The following PCSK2 variants were observed in gnomAD, a reference collection of about 807,000 sequenced individuals.
PCSK2 encodes the protein proprotein convertase subtilisin/kexin type 2.
Under a neutral mutation model 69.7 loss-of-function variants are expected in PCSK2, and 14 were observed. The observed-to-expected ratio is 0.20, with a 90% CI of 0.13 to 0.31. The LOEUF (loss-of-function observed/expected upper bound fraction) is 0.31, where lower values mean the gene tolerates loss of function less well. Among genes scored for constraint, PCSK2 ranks in the 10% least tolerant of loss-of-function variants. The pLI, the probability that PCSK2 is intolerant of heterozygous loss-of-function variation, is 1.00. For synonymous variants in PCSK2, 307 were observed against 320.7 expected, an observed-to-expected ratio of 0.96 and a Z score of 0.46; for missense variants, 544 against 842.5, an observed-to-expected ratio of 0.65 and a Z score of 4.39.
At chr20:17,271,940 C>T (rs947156469) in intron 2 of PCSK2, among the ~76,000 whole-genome samples, 1 of 152,158 alleles carries the variant, frequency 6.6e-6, no homozygotes, top group Non-Finnish European at 1.5e-5. Flanking sequence ...ATGACTAGTC[C>T]GTGACTTCAT....
At chr20:17,409,861 C>G (rs77104692) in intron 6 of PCSK2, among the ~76,000 whole-genome samples, 1,551 of 152,280 alleles carry the variant, frequency 0.01, 31 homozygotes, top group African/African-American at 0.035. Context: ...ACAGTCCATC[C>G]AAGAGAATAA....
chr20:17,324,579 C>G (rs1044293756), intron 2 of PCSK2, among the ~76,000 whole-genome samples: 2 of 152,140 alleles, frequency 1.3e-5, no homozygotes, highest in Non-Finnish European at 2.9e-5. Flanking sequence ...CCTGCAGACC[C>G]TAGCCCACCT....
intron 2 of PCSK2, among the ~76,000 whole-genome samples, chr20:17,264,967 G>A (rs1987536562): frequency 1.3e-5 from 2 of 152,006 alleles, no homozygotes; most frequent in African/African-American, 2.4e-5. Context: ...GGGTTCAAGT[G>A]TTTCTTGTGC....
chr20:17,345,996 T>C (rs1161812190), intron 2 of PCSK2, among the ~76,000 whole-genome samples: 2 of 152,292 alleles, frequency 1.3e-5, no homozygotes, highest in Admixed American at 6.5e-5. Context: ...ATATACAGCA[T>C]AATTGAATGA....
intron 2 of PCSK2, chr20:17,263,075 C>T: frequency 1.1e-6 from 1 of 898,110 alleles, no homozygotes; most frequent in South Asian, 5.1e-5. Flanking sequence ...GCTTCATCTA[C>T]TGAGGTAGCT....
Position 17,482,468 on chromosome 20 carries a change from AG to A in PCSK2, c.*402del, listed in dbSNP as rs2033428191. On this transcript the variant is annotated 3_prime_UTR_variant, in exon 12 of 12. Transcript: ENST00000262545. ...GAACAATTGTCCATGGTCTCAAACA[AG>A]GGGCTGTTACATAACAAGAAAATCA... The A allele has an allele frequency of 6.5e-6, 1 of 154,452 alleles. No homozygotes were observed. The highest frequency in any genetic ancestry group is 1.4e-5 in the Non-Finnish European group (1 of 69,794). The allele number at this position is 154,452 out of a possible 1,614,324, so 9.6% of individuals were successfully genotyped here.
At position 17,436,887 on chromosome 20, in the gene PCSK2, AG is replaced by A; in HGVS notation, c.885+9del. On this transcript the variant is annotated splice_donor_5th_base_variant and intron_variant, in intron 8 of 11. Transcript: ENST00000262545. The stretch of plus-strand genomic sequence containing the variant: ...CATGGCCGATGGCGTGAACAAGGTA[AG>A]GGGGCCGGCCCCCTAGGCCCCGGCC... 1.2e-6 allele frequency: 2 copies of A among 1,602,086 alleles called. No individual in the cohort carries two copies. Among genetic ancestry groups the A allele is most frequent in the African/African-American group, 1.3e-5 (1 of 74,644 alleles).
intron 2 of PCSK2, among the ~76,000 whole-genome samples, chr20:17,306,698 A>G (rs1327509145): frequency 1.3e-5 from 2 of 152,158 alleles, no homozygotes; most frequent in Non-Finnish European, 2.9e-5. Context: ...CACTGGGTTC[A>G]CTAACAGAAG....
intron 2 of PCSK2, among the ~76,000 whole-genome samples, chr20:17,295,178 A>C (rs908343681): frequency 6.6e-6 from 1 of 151,654 alleles, no homozygotes; most frequent in South Asian, 2.1e-4. Context: ...CTGCATTTTC[A>C]GTTGTTTCAG....
upstream of PCSK2, among the ~76,000 whole-genome samples, chr20:17,226,818 C>T (rs933664886): frequency 7.5e-5 from 10 of 134,006 alleles, no homozygotes; most frequent in Admixed American, 6.8e-4. Context: ...CGCTGCGCTG[C>T]GCTGCGCCCC....
At chr20:17,428,143 G>A (rs1218810999) in intron 6 of PCSK2, among the ~76,000 whole-genome samples, 1 of 152,136 alleles carries the variant, frequency 6.6e-6, no homozygotes, top group Non-Finnish European at 1.5e-5. Context: ...CCGCTTAAGG[G>A]CCAAAATTAA....
At chr20:17,427,315 A>G (rs142526602) in intron 6 of PCSK2, among the ~76,000 whole-genome samples, 1 of 152,318 alleles carries the variant, frequency 6.6e-6, no homozygotes, top group East Asian at 1.9e-4. Flanking sequence ...ACTAAGTGAG[A>G]TGATCAAATC....
intron 2 of PCSK2, among the ~76,000 whole-genome samples, chr20:17,292,790 T>C (rs769312179): frequency 2.0e-5 from 3 of 152,118 alleles, no homozygotes; most frequent in Non-Finnish European, 4.4e-5. Context: ...TGGGTTATTA[T>C]TGTGAATACT....
chr20:17,467,902 C>G (rs764460955), intron 11 of PCSK2, among the ~76,000 whole-genome samples: 47 of 152,328 alleles, frequency 3.1e-4, no homozygotes, highest in South Asian at 1.9e-3. Context: ...CAGTAATCTC[C>G]TAGAGTTTTT....
intron 2 of PCSK2, among the ~76,000 whole-genome samples, chr20:17,345,354 C>T (rs1296892092): frequency 6.6e-6 from 1 of 152,180 alleles, no homozygotes; most frequent in Non-Finnish European, 1.5e-5. Context: ...AAGTTTATTT[C>T]ATGTCATCCT....
chr20:17,364,489 C>T (rs1027139835), intron 4 of PCSK2, among the ~76,000 whole-genome samples: 6 of 152,100 alleles, frequency 3.9e-5, no homozygotes, highest in Non-Finnish European at 5.9e-5. Flanking sequence ...GAGATGAAAC[C>T]GTGTCTTACA....
intron 2 of PCSK2, among the ~76,000 whole-genome samples, chr20:17,282,236 TAC>T (rs1220613400): frequency 6.6e-6 from 1 of 151,892 alleles, no homozygotes; most frequent in East Asian, 1.9e-4. Context: ...TCTCTCTCCA[TAC>T]ACACACACAT....
chr20:17,462,826 A>AT (rs2033035709), intron 10 of PCSK2, among the ~76,000 whole-genome samples: 2 of 152,368 alleles, frequency 1.3e-5, no homozygotes, highest in South Asian at 4.1e-4. Context: ...AGTGACCTGT[A>AT]TATCGCAGAT....
At chr20:17,279,489 C>T (rs1323949056) in intron 2 of PCSK2, among the ~76,000 whole-genome samples, 1 of 152,104 alleles carries the variant, frequency 6.6e-6, no homozygotes, top group East Asian at 1.9e-4. Flanking sequence ...ATTGACATGA[C>T]ATTTGAGTAT....
Sources: gnomAD v4.1 joint callset for allele counts (sites outside exome capture counted in the v4.1 genomes callset) on GRCh38, gnomAD v4.1.1 for gene constraint, MANE v1.5 for transcripts, NCBI Gene and HGNC (gene_info 2026-07-23, HGNC 2026-07-21) for gene names.